Variants in SPOPL observed in about 807,000 individuals in gnomAD.
SPOPL encodes speckle type BTB/POZ protein like, also known as speckle-type POZ protein-like.
A neutral mutation model predicts 53.8 loss-of-function variants in SPOPL; 23 were observed. That is an observed-to-expected ratio of 0.43 (90% confidence interval 0.31 to 0.61). SPOPL has a LOEUF of 0.61. Ranked by LOEUF, SPOPL falls within the 20% of genes least tolerant of loss-of-function variation. SPOPL has a pLI of 0.12. For missense variants in SPOPL, 442 were observed against 466.9 expected (o/e 0.95, Z 0.49); for synonymous variants, 164 against 149.7 (o/e 1.10, Z -0.70).
At chr2:138,536,346 C>CACACACA (rs1553469729) in intron 1 of SPOPL, among the ~76,000 whole-genome samples, 91 of 151,202 alleles carry the variant, frequency 6.0e-4, no homozygotes, top group African/African-American at 2.1e-3. Context: ...TGCCCCCCCC[C>CACACACA]CACACACACA....
intron 1 of SPOPL, among the ~76,000 whole-genome samples, chr2:138,511,309 T>A (rs1684318128): frequency 6.6e-6 from 1 of 152,172 alleles, no homozygotes; most frequent in African/African-American, 2.4e-5. Context: ...ATTGCATCTT[T>A]AAGTTGTGTA....
chr2:138,569,292 A>T lies in SPOPL; in HGVS notation c.*212A>T. The stretch of plus-strand genomic sequence containing the variant: ...TGATTAATTCACTTCAAGGCCTTAA[A>T]TTATCTTCAATGACTTGTCTTGTTC... On this transcript the variant is annotated 3_prime_UTR_variant, in exon 11 of 11. Transcript: ENST00000280098. The T allele has an allele frequency of 2.0e-6, 1 of 494,302 alleles. No individual in the cohort carries two copies. Among genetic ancestry groups the T allele is most frequent in the Non-Finnish European group, 3.6e-6 (1 of 281,416 alleles). 30.6% of individuals were successfully genotyped at this position (494,302 alleles called of 1,614,324 possible).
At position 138,568,961 on chromosome 2, in the gene SPOPL, T is replaced by G. The variant is rs914767678; in HGVS notation, c.1060T>G (p.Ser354Ala). The G allele has an allele frequency of 1.2e-6, 2 of 1,613,902 alleles. No homozygotes were observed. The highest frequency in any genetic ancestry group is 2.7e-5 in the African/African-American group (2 of 74,930). The change falls in exon 11 of 11, where the codon TCA becomes GCA. Residue 354 changes from serine to alanine, a missense_variant. Physicochemically the swap from Ser to Ala is moderately conservative, Grantham distance 99. Transcript: ENST00000280098. ...CCAAGCAACCGACATAATGGAAACA[T>G]CAGGGTGGAAGTCCATGATTCAGTC... ...SNQATDIMET[S>A]GWKSMIQSHP...
At chr2:138,533,309 A>G (rs1199361943) in intron 1 of SPOPL, among the ~76,000 whole-genome samples, 2 of 152,164 alleles carry the variant, frequency 1.3e-5, no homozygotes, top group South Asian at 2.1e-4. Context: ...TTTGCTTCCT[A>G]TAGAATACAG....
chr2:138,538,708 A>T (rs141814306), intron 1 of SPOPL, among the ~76,000 whole-genome samples: 4 of 151,046 alleles, frequency 2.6e-5, no homozygotes, highest in African/African-American at 7.3e-5. Flanking sequence ...TGGCTCAGCA[A>T]TGTCAGCCAG....
chr2:138,553,452 G>A (rs1462797808), intron 5 of SPOPL, among the ~76,000 whole-genome samples: 1 of 152,024 alleles, frequency 6.6e-6, no homozygotes, highest in Non-Finnish European at 1.5e-5. Context: ...AAATGTTTAA[G>A]GCAGTTGATA....
At chr2:138,543,041 T>C (rs1685109200) in intron 1 of SPOPL, among the ~76,000 whole-genome samples, 1 of 152,224 alleles carries the variant, frequency 6.6e-6, no homozygotes, top group South Asian at 2.1e-4. Flanking sequence ...AATTCTTTTC[T>C]TTAATAATGT....
chr2:138,520,059 T>C (rs532255031), intron 1 of SPOPL, among the ~76,000 whole-genome samples: 1 of 152,354 alleles, frequency 6.6e-6, no homozygotes, highest in African/African-American at 2.4e-5. Flanking sequence ...TTAAATTATC[T>C]GTCACTAGTT....
At chr2:138,568,609 A>C (rs1424239311) in intron 10 of SPOPL, among the ~76,000 whole-genome samples, 1 of 152,190 alleles carries the variant, frequency 6.6e-6, no homozygotes, top group East Asian at 1.9e-4. Context: ...ACTCAAGAGA[A>C]AATCTGCCTT....
At chr2:138,511,110 A>C (rs913599923) in intron 1 of SPOPL, among the ~76,000 whole-genome samples, 23 of 152,206 alleles carry the variant, frequency 1.5e-4, no homozygotes, top group African/African-American at 4.8e-4. Context: ...AATGAAGTAC[A>C]TCTTTTAAAA....
chr2:138,544,381 C>A (rs1409771498), intron 1 of SPOPL, among the ~76,000 whole-genome samples: 1 of 152,186 alleles, frequency 6.6e-6, no homozygotes, highest in Non-Finnish European at 1.5e-5. Context: ...TGGGCTCCAC[C>A]CAGTTCGAGC....
Position 138,539,960 on chromosome 2 carries a change from A to G in SPOPL, c.-60-10197A>G, listed in dbSNP as rs1326467706. ...AAAGGATCTAGTTTCAGCTTTCTACATATGGCTAGCCAGTTTTCCCAGCAC... is the reference window on the plus strand; with the variant it reads ...AAAGGATCTAGTTTCAGCTTTCTACGTATGGCTAGCCAGTTTTCCCAGCAC... On this transcript the variant is annotated intron_variant, in intron 1 of 10. Transcript: ENST00000280098. 2.0e-5 allele frequency among the ~76,000 whole-genome samples: 3 copies of G among 152,230 alleles called. No homozygotes were observed. In the East Asian group the frequency reaches 5.8e-4, roughly 29 times the overall value.
intron 1 of SPOPL, among the ~76,000 whole-genome samples, chr2:138,534,603 G>A (rs1018386366): frequency 6.6e-6 from 1 of 151,962 alleles, no homozygotes; most frequent in Admixed American, 6.6e-5. Context: ...TTTAAATGAG[G>A]CAAAATTCAT....
chr2:138,513,169 A>C (rs1178175696), intron 1 of SPOPL, among the ~76,000 whole-genome samples: 1 of 152,148 alleles, frequency 6.6e-6, no homozygotes, highest in African/African-American at 2.4e-5. Flanking sequence ...TGTAATCCCA[A>C]CTCTTTGGGA....
At chr2:138,534,789 A>G (rs1189924768) in intron 1 of SPOPL, among the ~76,000 whole-genome samples, 2 of 152,144 alleles carry the variant, frequency 1.3e-5, no homozygotes, top group Non-Finnish European at 2.9e-5. Flanking sequence ...AGGTCTGGCA[A>G]CTACTAATCT....
At chr2:138,510,697 A>G (rs1277442982) in intron 1 of SPOPL, among the ~76,000 whole-genome samples, 1 of 152,204 alleles carries the variant, frequency 6.6e-6, no homozygotes, top group Non-Finnish European at 1.5e-5. Flanking sequence ...TTAAAGTATA[A>G]TTAAGTGATC....
intron 1 of SPOPL, among the ~76,000 whole-genome samples, chr2:138,534,078 T>TA (rs1437513193): frequency 2.0e-5 from 3 of 152,164 alleles, no homozygotes; most frequent in African/African-American, 7.2e-5. Context: ...ACACACTTGA[T>TA]ATACTGCAAA....
chr2:138,540,937 G>T (rs1685057987), intron 1 of SPOPL, among the ~76,000 whole-genome samples: 1 of 152,090 alleles, frequency 6.6e-6, no homozygotes, highest in Admixed American at 6.5e-5. Context: ...AATTTATTGA[G>T]AATTTTTAGC....
At chr2:138,502,433 C>G (rs1038321009) in intron 1 of SPOPL, among the ~76,000 whole-genome samples, 2 of 152,256 alleles carry the variant, frequency 1.3e-5, no homozygotes, top group Non-Finnish European at 2.9e-5. Flanking sequence ...TTCTTTTCCT[C>G]TGGCTTCTCT....
Sources: gnomAD v4.1 joint callset for allele counts (sites outside exome capture counted in the v4.1 genomes callset) on GRCh38, gnomAD v4.1.1 for gene constraint, MANE v1.5 for transcripts, NCBI Gene and HGNC (gene_info 2026-07-23, HGNC 2026-07-21) for gene names.